BNC2: variants seen among roughly 807,000 people sequenced by gnomAD.
BNC2 encodes basonuclin zinc finger protein 2, also known as zinc finger protein basonuclin-2.
A neutral mutation model predicts 76.3 loss-of-function variants in BNC2; 20 were observed. That is an observed-to-expected ratio of 0.26 (90% CI 0.18 to 0.38). BNC2 has a LOEUF of 0.38. Ranked by LOEUF, BNC2 falls within the 10% of genes least tolerant of loss-of-function variation. The pLI, the probability that BNC2 is intolerant of heterozygous loss-of-function variation, is 1.00. For missense variants in BNC2, 1,382 were observed against 1,399.8 expected, an observed-to-expected ratio of 0.99 and a Z score of 0.20; for synonymous variants, 582 against 514.8, an observed-to-expected ratio of 1.13 and a Z score of -1.77.
intron 2 of BNC2, among the ~76,000 whole-genome samples, chr9:16,730,282 A>G (rs1470657712): frequency 2.0e-5 from 3 of 152,220 alleles, no homozygotes. Context: ...CAGACAAGCA[A>G]GTGATAGTGA....
At chr9:16,822,329 T>G (rs77399048) in intron 1 of BNC2, among the ~76,000 whole-genome samples, 1 of 152,094 alleles carries the variant, frequency 6.6e-6, no homozygotes, top group Non-Finnish European at 1.5e-5. Context: ...ATACCTAAAA[T>G]AGGCCTTTCT....
chr9:16,449,987 C>A (rs1005303416), intron 5 of BNC2, among the ~76,000 whole-genome samples: 1 of 152,108 alleles, frequency 6.6e-6, no homozygotes, highest in Non-Finnish European at 1.5e-5. Flanking sequence ...GTATAAGCCA[C>A]ACTCTTCAGC....
intron 1 of BNC2, among the ~76,000 whole-genome samples, chr9:16,803,055 C>A (rs915716356): frequency 2.6e-5 from 4 of 152,148 alleles, no homozygotes; most frequent in African/African-American, 9.7e-5. Context: ...TACAAGTGAA[C>A]CTCTAAATGG....
At chr9:16,754,850 G>T (rs1692727517) in intron 1 of BNC2, among the ~76,000 whole-genome samples, 1 of 152,140 alleles carries the variant, frequency 6.6e-6, no homozygotes, top group African/African-American at 2.4e-5. Context: ...GAGCCACCGC[G>T]CCCGGCCCCA....
chr9:16,441,681 C>T (rs542851812), intron 5 of BNC2, among the ~76,000 whole-genome samples: 1 of 152,246 alleles, frequency 6.6e-6, no homozygotes, highest in East Asian at 1.9e-4. Flanking sequence ...TTTAACTCAT[C>T]TGGAACAAAA....
chr9:16,709,884 C>A (rs576472813), intron 3 of BNC2, among the ~76,000 whole-genome samples: 67 of 152,088 alleles, frequency 4.4e-4, no homozygotes, highest in Admixed American at 4.4e-3. Context: ...AAGATTATGT[C>A]TTCAAAGATA....
At chr9:16,464,651 G>C (rs1048630866) in intron 5 of BNC2, among the ~76,000 whole-genome samples, 1 of 151,970 alleles carries the variant, frequency 6.6e-6, no homozygotes, top group African/African-American at 2.4e-5. Flanking sequence ...TTTTGTCTCG[G>C]GTTCAAGCAA....
At chr9:16,534,202 A>G (rs1324128669) in intron 5 of BNC2, among the ~76,000 whole-genome samples, 3 of 152,178 alleles carry the variant, frequency 2.0e-5, no homozygotes, top group Non-Finnish European at 4.4e-5. Context: ...AAGCTTTCTT[A>G]CCATTATCAA....
chr9:16,471,584 A>T (rs375327509), intron 5 of BNC2, among the ~76,000 whole-genome samples: 5 of 152,040 alleles, frequency 3.3e-5, no homozygotes, highest in Admixed American at 2.6e-4. Context: ...GAGCCACTGC[A>T]CCCAGCTGCT....
intron 3 of BNC2, among the ~76,000 whole-genome samples, chr9:16,619,993 A>T (rs1820819842): frequency 6.6e-6 from 1 of 152,228 alleles, no homozygotes; most frequent in Non-Finnish European, 1.5e-5. Context: ...CAATGCACTC[A>T]GGAAATTAAG....
At chr9:16,446,290 A>G (rs934959236) in intron 5 of BNC2, among the ~76,000 whole-genome samples, 9 of 152,224 alleles carry the variant, frequency 5.9e-5, no homozygotes, top group South Asian at 4.1e-4. Context: ...ATATCAAACT[A>G]CTAGCAAAAA....
At chr9:16,757,687 G>A (rs1464101352) in intron 1 of BNC2, among the ~76,000 whole-genome samples, 2 of 147,902 alleles carry the variant, frequency 1.4e-5, no homozygotes, top group African/African-American at 5.0e-5. Flanking sequence ...CTATATTCCT[G>A]GTACAATGGT....
At chr9:16,825,549 G>A (rs1373007741) in intron 1 of BNC2, among the ~76,000 whole-genome samples, 1 of 152,008 alleles carries the variant, frequency 6.6e-6, no homozygotes, top group Non-Finnish European at 1.5e-5. Flanking sequence ...TTGCTGGCAT[G>A]TATGCTGAAT....
chr9:16,743,256 G>A (rs890615256), intron 1 of BNC2, among the ~76,000 whole-genome samples: 2 of 152,110 alleles, frequency 1.3e-5, no homozygotes, highest in Admixed American at 6.5e-5. Flanking sequence ...TCTGCTACAT[G>A]CATAGCACAG....
chr9:16,504,659 T>G (rs556376687), intron 5 of BNC2, among the ~76,000 whole-genome samples: 1 of 152,148 alleles, frequency 6.6e-6, no homozygotes, highest in South Asian at 2.1e-4. Flanking sequence ...ATACTAAAAA[T>G]GTGTTCTCAT....
chr9:16,734,243 G>A (rs2135070671), intron 2 of BNC2, among the ~76,000 whole-genome samples: 1 of 152,284 alleles, frequency 6.6e-6, no homozygotes, highest in East Asian at 1.9e-4. Context: ...GTGAATGAAT[G>A]AACTATACAC....
intron 1 of BNC2, among the ~76,000 whole-genome samples, chr9:16,787,180 C>G (rs932489693): frequency 9.2e-5 from 14 of 152,272 alleles, no homozygotes; most frequent in African/African-American, 2.6e-4. Flanking sequence ...GCAACCAAGA[C>G]AAAGGTACAA....
chr9:16,822,598 G>T (rs1818364757), intron 1 of BNC2, among the ~76,000 whole-genome samples: 1 of 152,170 alleles, frequency 6.6e-6, no homozygotes, highest in Non-Finnish European at 1.5e-5. Context: ...GAAGCTTATT[G>T]AAGGCTGATT....
At position 16,742,480 on chromosome 9, in the gene BNC2, C is replaced by T. The variant is rs570381760; in HGVS notation, c.4-3995G>A. Among the ~76,000 whole-genome samples the T allele has an allele frequency of 1.1e-4, 16 of 152,318 alleles. No individual in the cohort carries two copies. The South Asian group carries it at 1.7e-3, about 16-fold the overall frequency. On this transcript the variant is annotated intron_variant, in intron 1 of 6. Coordinates refer to ENST00000380672, the MANE Select transcript of BNC2 (RefSeq NM_017637.6). ...AGCAGGGAAATGATGGGTTCCATCA[C>T]CTGGCCAACATCAGCAACCGCCAGA...
Sources: gnomAD v4.1 joint callset for allele counts (sites outside exome capture counted in the v4.1 genomes callset) on GRCh38, gnomAD v4.1.1 for gene constraint, MANE v1.5 for transcripts, NCBI Gene and HGNC (gene_info 2026-07-23, HGNC 2026-07-21) for gene names.